The following GABPB2 variants were observed in gnomAD, a reference collection of about 807,000 sequenced individuals.
GABPB2 encodes GA-binding protein subunit beta-2.
A neutral mutation model predicts 39.1 loss-of-function variants in GABPB2; 23 were observed. That is an observed-to-expected ratio of 0.59 (90% CI 0.42 to 0.83). GABPB2 has a LOEUF of 0.83. GABPB2 is among the 40% of genes least tolerant of loss of function. The pLI is 0.00. For synonymous variants in GABPB2, 184 were observed against 199.3 expected (o/e 0.92, Z 0.65); for missense variants, 467 against 541.1 (o/e 0.86, Z 1.36).
At chr1:151,098,170 A>G (rs1679246971) in intron 5 of GABPB2, among the ~76,000 whole-genome samples, 168 bp downstream of exon 5, 1 of 152,180 alleles carries the variant, frequency 6.6e-6, no homozygotes, top group South Asian at 2.1e-4. Context: ...TTTCTGGGGA[A>G]GGGAAGATCA....
At position 151,077,356 on chromosome 1, in the gene GABPB2, G is replaced by GTTT. The variant is rs35650542; in HGVS notation, c.-1+6439_-1+6441dup. Among the ~76,000 whole-genome samples, 890 of 110,622 alleles carry GTTT rather than the reference G, an allele frequency of 8.0e-3. 40 individuals carry two copies. Among genetic ancestry groups the GTTT allele is most frequent in the Non-Finnish European group, 0.011 (613 of 57,692 alleles). The allele number at this position is 110,622 out of a possible 152,430, so 72.6% of individuals were successfully genotyped here. On this transcript the variant is annotated intron_variant, in intron 1 of 8. Transcript: ENST00000368918. ...GGGGAGGAATTTATCCAACTCATAGGTTTTTTTTTTTTTTTTTTTGAGATG... is the reference window on the plus strand; with the variant it reads ...GGGGAGGAATTTATCCAACTCATAGGTTTTTTTTTTTTTTTTTTTTTTGAGATG...
intron 1 of GABPB2, chr1:151,073,157 G>A (rs1371716039): frequency 6.6e-6 from 1 of 152,116 alleles, no homozygotes. Flanking sequence ...TAGGACCACA[G>A]GTATGGGCCA....
intron 5 of GABPB2, among the ~76,000 whole-genome samples, chr1:151,098,627 A>G (rs1180616103): frequency 6.6e-6 from 1 of 152,212 alleles, no homozygotes; most frequent in Non-Finnish European, 1.5e-5. Context: ...TTAATAGTTT[A>G]AAGCAGTAAC....
chr1:151,095,992 C>T (rs1679067270), intron 4 of GABPB2, among the ~76,000 whole-genome samples: 1 of 144,888 alleles, frequency 6.9e-6, no homozygotes, highest in Non-Finnish European at 1.5e-5. Context: ...GAGCTGAGAT[C>T]GTGCCACTGT....
In GABPB2 at chr1:151,086,670, A is replaced by ATT. The variant is rs35098609; in HGVS notation, c.1-1506_1-1505dup. ...TTTAATCAGTGAAAGCTTGTTCTTA[A>ATT]TTTTTTTTTTTTTTTGAGTCAAGAT... On this transcript the variant is annotated intron_variant, in intron 1 of 8. Coordinates refer to ENST00000368918, the MANE Select transcript of GABPB2 (RefSeq NM_144618.3). 5.9e-3 allele frequency among the ~76,000 whole-genome samples: 869 copies of ATT among 147,892 alleles called. 15 individuals are homozygous for ATT. The highest frequency in any genetic ancestry group is 0.021 in the African/African-American group (839 of 39,984).
intron 1 of GABPB2, among the ~76,000 whole-genome samples, chr1:151,074,109 G>A (rs1474057370): frequency 6.9e-6 from 1 of 145,672 alleles, no homozygotes; most frequent in African/African-American, 2.5e-5. Context: ...CTGAGTAGCT[G>A]GAATTACAGT....
Position 151,092,454 on chromosome 1 carries a change from C to G in GABPB2, c.277-738C>G, listed in dbSNP as rs776171382. 5.3e-5 allele frequency among the ~76,000 whole-genome samples: 8 copies of G among 152,032 alleles called. No individual in the cohort carries two copies. In the East Asian group the frequency reaches 1.5e-3, roughly 29 times the overall value. On this transcript the variant is annotated intron_variant, in intron 3 of 8. Transcript: ENST00000368918. ...AAAAAATACAGATGAGATCTCACTA[C>G]GTTGACCAGGCTGGTCTCAGACTCC...
At chr1:151,098,342 C>A (rs1276862379) in intron 5 of GABPB2, among the ~76,000 whole-genome samples, 1 of 151,880 alleles carries the variant, frequency 6.6e-6, no homozygotes, top group Non-Finnish European at 1.5e-5. Context: ...CCATCCTCTA[C>A]TAAAAATAAA....
intron 1 of GABPB2, among the ~76,000 whole-genome samples, chr1:151,077,857 CAGG>C (rs1453148259): frequency 2.0e-5 from 3 of 151,806 alleles, no homozygotes; most frequent in African/African-American, 7.3e-5. Flanking sequence ...AAGGCTGAGA[CAGG>C]AGAATCGCTT....
chr1:151,108,243 C>T (rs913362383), intron 7 of GABPB2, among the ~76,000 whole-genome samples: 2 of 152,194 alleles, frequency 1.3e-5, no homozygotes, highest in African/African-American at 2.4e-5. Flanking sequence ...GATCTTGGCT[C>T]ACTGCAACCT....
intron 1 of GABPB2, among the ~76,000 whole-genome samples, chr1:151,082,404 T>C (rs1225800845): frequency 6.1e-5 from 8 of 130,718 alleles, no homozygotes; most frequent in Non-Finnish European, 1.1e-4. Context: ...TTTTTTTTTT[T>C]TTTTTTTTTT....
At chr1:151,117,894 T>C in intron 8 of GABPB2, 63 bp from the exon 9 acceptor site, 1 of 1,503,750 alleles carries the variant, frequency 6.7e-7, no homozygotes, top group Non-Finnish European at 9.1e-7. Flanking sequence ...TGTCTTTTTG[T>C]CTACTGTCTG....
chr1:151,093,006 G>A lies in GABPB2; in HGVS notation c.277-186G>A, dbSNP rs111543735. Among the ~76,000 whole-genome samples the A allele has an allele frequency of 2.1e-3, 312 of 152,156 alleles. 2 individuals are homozygous for A. Among genetic ancestry groups the A allele is most frequent in the African/African-American group, 7.0e-3 (291 of 41,480 alleles). ...ATTGATGTCCTTAGAGGACCCACTC[G>A]TTGAAAGCATTATGTCTGTCAGCAT... On this transcript the variant is annotated intron_variant, in intron 3 of 8. Coordinates refer to ENST00000368918, the MANE Select transcript of GABPB2 (RefSeq NM_144618.3).
chr1:151,074,310 CTTTT>C (rs113264875), intron 1 of GABPB2, among the ~76,000 whole-genome samples: 1 of 105,848 alleles, frequency 9.4e-6, no homozygotes. Flanking sequence ...CATGCTTCCG[CTTTT>C]TTTTTTTTTT....
chr1:151,085,688 G>A (rs587759554), intron 1 of GABPB2, among the ~76,000 whole-genome samples: 112 of 152,180 alleles, frequency 7.4e-4, no homozygotes, highest in South Asian at 3.3e-3. Flanking sequence ...TCCTGACCTC[G>A]TGATCTACCC....
At chr1:151,110,641 C>T (rs1364372274) in intron 7 of GABPB2, among the ~76,000 whole-genome samples, 1 of 151,952 alleles carries the variant, frequency 6.6e-6, no homozygotes, top group Non-Finnish European at 1.5e-5. Flanking sequence ...TTTACTTTTT[C>T]GTAGAGACAA....
chr1:151,098,029 T>A, intron 5 of GABPB2, 27 bp downstream of exon 5: 1 of 1,606,148 alleles, frequency 6.2e-7, no homozygotes, highest in Non-Finnish European at 8.5e-7. Flanking sequence ...ATGAAATTTA[T>A]TTTAGACTCA....
chr1:151,075,101 C>T (rs1447756247), intron 1 of GABPB2, among the ~76,000 whole-genome samples: 6 of 151,988 alleles, frequency 3.9e-5, no homozygotes, highest in Non-Finnish European at 8.8e-5. Flanking sequence ...GAGATCGTGC[C>T]ACCGCACTCC....
At chr1:151,109,364 A>ATATATATT (rs779537595) in intron 7 of GABPB2, among the ~76,000 whole-genome samples, 31,339 of 111,766 alleles carry the variant, frequency 0.28, 5,361 homozygotes, top group Non-Finnish European at 0.36. Flanking sequence ...ATATATATAT[A>ATATATATT]TTTTTTTTTT....
Sources: gnomAD v4.1 joint callset for allele counts (sites outside exome capture counted in the v4.1 genomes callset) on GRCh38, gnomAD v4.1.1 for gene constraint, MANE v1.5 for transcripts, NCBI Gene and HGNC (gene_info 2026-07-23, HGNC 2026-07-21) for gene names.